Variants in CHN2 observed in about 807,000 individuals in gnomAD.
CHN2 encodes chimerin 2.
In CHN2, 35 loss-of-function variants were observed where a neutral mutation model predicts 56.3. The observed-to-expected ratio is 0.62, with a 90% CI of 0.47 to 0.82. The LOEUF (loss-of-function observed/expected upper bound fraction) is 0.82. CHN2 is among the 40% of genes least tolerant of loss of function. The pLI, the probability that CHN2 is intolerant of heterozygous loss-of-function variation, is 0.00. For synonymous variants in CHN2, 210 were observed against 212.8 expected (o/e 0.99, Z 0.12); for missense variants, 491 against 580.5 (o/e 0.85, Z 1.58).
At chr7:29,446,572 G>A (rs1462928785) in intron 6 of CHN2, among the ~76,000 whole-genome samples, 1 of 152,148 alleles carries the variant, frequency 6.6e-6, no homozygotes, top group African/African-American at 2.4e-5. Flanking sequence ...CAGGGCCCAG[G>A]GGACTTTCTG....
intron 1 of CHN2, among the ~76,000 whole-genome samples, chr7:29,284,059 A>G (rs1791950249): frequency 6.7e-6 from 1 of 150,266 alleles, no homozygotes; most frequent in South Asian, 2.1e-4. Flanking sequence ...GACTACAGAC[A>G]TGCGTCACCA....
At chr7:29,269,723 A>T (rs1257923853) in intron 1 of CHN2, among the ~76,000 whole-genome samples, 1 of 152,230 alleles carries the variant, frequency 6.6e-6, no homozygotes, top group Non-Finnish European at 1.5e-5. Context: ...CAACCAGTTC[A>T]TAAGAGGAGG....
chr7:29,507,732 T>C (rs572559017), intron 11 of CHN2, among the ~76,000 whole-genome samples: 113 of 146,226 alleles, frequency 7.7e-4, no homozygotes, highest in African/African-American at 2.6e-3. Flanking sequence ...CTGGACCACA[T>C]TGGAAGAAGA....
intron 1 of CHN2, among the ~76,000 whole-genome samples, chr7:29,353,128 A>G (rs1029289338): frequency 2.6e-5 from 4 of 152,240 alleles, no homozygotes; most frequent in African/African-American, 9.7e-5. Flanking sequence ...CAAGCCTAAC[A>G]GTACAGATTT....
chr7:29,442,221 A>G (rs1040049657), intron 6 of CHN2, among the ~76,000 whole-genome samples: 4 of 152,226 alleles, frequency 2.6e-5, no homozygotes, highest in African/African-American at 9.6e-5. Flanking sequence ...AAAGAAAGGA[A>G]AGAAGTGGCT....
intron 4 of CHN2, among the ~76,000 whole-genome samples, chr7:29,395,848 A>G (rs1585253098): frequency 6.6e-6 from 1 of 152,214 alleles, no homozygotes; most frequent in Non-Finnish European, 1.5e-5. Context: ...GACGCTGTCA[A>G]TCACTTAAAC....
intron 6 of CHN2, among the ~76,000 whole-genome samples, chr7:29,422,041 A>C (rs1450251685): frequency 1.1e-4 from 3 of 27,494 alleles, no homozygotes; most frequent in Non-Finnish European, 3.0e-4. Flanking sequence ...CTGCTATAAT[A>C]GAAAAATGTA....
chr7:29,169,052 A>G (rs955621841), intron 2 of CHN2, among the ~76,000 whole-genome samples: 2 of 151,852 alleles, frequency 1.3e-5, no homozygotes, highest in Admixed American at 6.5e-5. Context: ...TTTGATTTTC[A>G]TAGGCAATTC....
intron 1 of CHN2, among the ~76,000 whole-genome samples, chr7:29,256,820 C>A (rs1185301416): frequency 6.6e-6 from 1 of 152,036 alleles, no homozygotes; most frequent in Non-Finnish European, 1.5e-5. Flanking sequence ...GATCGCCCCC[C>A]CACCACGATC....
chr7:29,210,296 G>A lies in CHN2; in HGVS notation c.49+15306G>A, dbSNP rs183717922. Among the ~76,000 whole-genome samples the A allele has an allele frequency of 1.4e-3, 206 of 152,194 alleles. No homozygotes were observed. In the Middle Eastern group the frequency reaches 0.014, roughly 10 times the overall value. On this transcript the variant is annotated intron_variant, in intron 1 of 12. Transcript: ENST00000222792. The stretch of plus-strand genomic sequence containing the variant: ...ACTGTTGGGTGTCTGTACCGTAATT[G>A]CTTTTCAGTCTTCACTCTTAGTAAG...
chr7:29,318,357 G>A (rs760297677), intron 1 of CHN2, among the ~76,000 whole-genome samples: 2 of 152,206 alleles, frequency 1.3e-5, no homozygotes, highest in Non-Finnish European at 2.9e-5. Flanking sequence ...TTGAATAGGT[G>A]CGACAGAGAC....
At chr7:29,285,309 A>G (rs980054935) in intron 1 of CHN2, among the ~76,000 whole-genome samples, 2 of 152,228 alleles carry the variant, frequency 1.3e-5, no homozygotes, top group African/African-American at 4.8e-5. Flanking sequence ...AGGAGAATGC[A>G]TCACTCATTA....
Position 29,151,059 on chromosome 7 carries a change from C to T in CHN2, c.274+4099C>T, listed in dbSNP as rs574320659. 3.0e-4 allele frequency among the ~76,000 whole-genome samples: 46 copies of T among 152,192 alleles called. No homozygotes were observed. The South Asian group carries it at 9.1e-3, about 30-fold the overall frequency. On this transcript the variant is annotated intron_variant, in intron 2 of 6. Transcript: ENST00000439384. ...TTAAGTGAGAAGTAGGCCCAGGTGGCGGTAACCAAGCTCTAAGACACAGAC... is the reference window on the plus strand; with the variant it reads ...TTAAGTGAGAAGTAGGCCCAGGTGGTGGTAACCAAGCTCTAAGACACAGAC...
intron 1 of CHN2, among the ~76,000 whole-genome samples, chr7:29,287,300 G>A (rs554967240): frequency 6.6e-6 from 1 of 152,274 alleles, no homozygotes; most frequent in African/African-American, 2.4e-5. Flanking sequence ...AAAGAGGATG[G>A]CACTAACACA....
intron 1 of CHN2, among the ~76,000 whole-genome samples, chr7:29,319,044 T>A (rs759132566): frequency 2.0e-4 from 30 of 152,252 alleles, no homozygotes; most frequent in Non-Finnish European, 3.8e-4. Context: ...GCCCCTCCCC[T>A]CAGACACAGG....
intron 6 of CHN2, among the ~76,000 whole-genome samples, chr7:29,456,782 GA>G (rs1168944104): frequency 3.3e-5 from 5 of 152,110 alleles, no homozygotes; most frequent in African/African-American, 4.8e-5. Context: ...AGGGTTCTAG[GA>G]ATGCAGGCAT....
At chr7:29,241,302 G>GA (rs1787662700) in intron 1 of CHN2, among the ~76,000 whole-genome samples, 1 of 152,136 alleles carries the variant, frequency 6.6e-6, no homozygotes, top group Non-Finnish European at 1.5e-5. Flanking sequence ...TGAAAAGGAA[G>GA]AAAAGGGGGG....
At position 29,158,720 on chromosome 7, in the gene CHN2, C is replaced by G. The variant is rs550439047; in HGVS notation, c.274+11760C>G. ...TTAACAGTTTAATATAAAAGTGTTCCTGGAGATTTTGCTTGTTCTTTTTGG... is the reference window on the plus strand; with the variant it reads ...TTAACAGTTTAATATAAAAGTGTTCGTGGAGATTTTGCTTGTTCTTTTTGG... On this transcript the variant is annotated intron_variant, in intron 2 of 6. Coordinates refer to the CHN2 transcript ENST00000439384. 9.9e-5 allele frequency among the ~76,000 whole-genome samples: 15 copies of G among 152,220 alleles called. No homozygotes were observed. The South Asian group carries it at 3.1e-3, about 32-fold the overall frequency.
At chr7:29,489,327 CT>C (rs1201851750) in intron 7 of CHN2, among the ~76,000 whole-genome samples, 1 of 152,166 alleles carries the variant, frequency 6.6e-6, no homozygotes, top group African/African-American at 2.4e-5. Context: ...TATTTTCTTC[CT>C]GTCTAGAATA....
Sources: allele counts gnomAD v4.1 joint callset (sites outside exome capture counted in the v4.1 genomes callset), GRCh38; gene constraint gnomAD v4.1.1; transcripts MANE v1.5; gene names NCBI Gene and HGNC (gene_info 2026-07-23, HGNC 2026-07-21).